The following AARS1 variants were observed in gnomAD, a reference collection of about 807,000 sequenced individuals.
The protein encoded by AARS1 is alanine--tRNA ligase, cytoplasmic.
In AARS1, 72 loss-of-function variants were observed where a neutral mutation model predicts 108.9. The observed-to-expected ratio is 0.66, with a 90% CI of 0.55 to 0.80. The LOEUF (loss-of-function observed/expected upper bound fraction) is 0.80. Among genes scored for constraint, AARS1 ranks in the 30% least tolerant of loss-of-function variants. AARS1 has a pLI of 0.00. For missense variants in AARS1, 1,193 were observed against 1,233.2 expected (o/e 0.97, Z 0.49); for synonymous variants, 489 against 465.7 (o/e 1.05, Z -0.64).
intron 19 of AARS1, 84 bp downstream of exon 19, chr16:70,253,630 C>A: frequency 6.7e-7 from 1 of 1,495,380 alleles, no homozygotes; most frequent in East Asian, 2.3e-5. Context: ...TAGGCAACCA[C>A]TTCGCTCAGA....
chr16:70,270,801 C>T (rs1255234865), intron 5 of AARS1, among the ~76,000 whole-genome samples: 1 of 139,110 alleles, frequency 7.2e-6, no homozygotes, highest in Admixed American at 7.7e-5. Flanking sequence ...TTCACCATTG[C>T]ACTACAGCCT....
chr16:70,271,701 G>T, intron 5 of AARS1, 80 bp downstream of exon 5: 16 of 1,404,252 alleles, frequency 1.1e-5, no homozygotes, highest in Non-Finnish European at 1.6e-5. Context: ...GCTTTTAGCT[G>T]AGAAGAGAGC....
intron 13 of AARS1, among the ~76,000 whole-genome samples, chr16:70,259,609 A>G (rs1960085604): frequency 6.6e-6 from 1 of 152,018 alleles, no homozygotes; most frequent in African/African-American, 2.4e-5. Context: ...CAGCCTCCCA[A>G]GTAGCTGGGA....
At chr16:70,253,406 C>G in intron 19 of AARS1, 25 bp from the exon 20 acceptor site, 2 of 1,573,936 alleles carry the variant, frequency 1.3e-6, no homozygotes, top group African/African-American at 1.4e-5. Context: ...TGGCTCAGGC[C>G]ACGGTGCTGG....
In AARS1 at chr16:70,271,773, A is replaced by G. The variant is rs1450959373; in HGVS notation, c.671+8T>C. On this transcript the variant is annotated splice_region_variant and intron_variant, in intron 5 of 20. Coordinates refer to ENST00000261772, the MANE Select transcript of AARS1 (RefSeq NM_001605.3). ...AAGGAAAGGAATGGAGTAGGAACCC[A>G]AGGCTACCTGTTATACTGGATGAAC... 6.2e-7 allele frequency: 1 copy of G among 1,613,966 alleles called. No homozygotes were observed. Among genetic ancestry groups the G allele is most frequent in the Non-Finnish European group, 8.5e-7 (1 of 1,179,932 alleles).
chr16:70,272,506 C>CA (rs34129241), intron 4 of AARS1, among the ~76,000 whole-genome samples: 534 of 17,034 alleles, frequency 0.031, 111 homozygotes, highest in Non-Finnish European at 0.049. Flanking sequence ...AACTCCATCT[C>CA]AAAAAAAAAA....
At chr16:70,272,252 C>A (rs2152163545) in intron 4 of AARS1, among the ~76,000 whole-genome samples, 1 of 152,180 alleles carries the variant, frequency 6.6e-6, no homozygotes, top group South Asian at 2.1e-4. Flanking sequence ...TGCCTGTAAT[C>A]CCAGCATTTT....
intron 1 of AARS1, among the ~76,000 whole-genome samples, chr16:70,289,116 C>T (rs1960957786): frequency 1.3e-5 from 2 of 152,168 alleles, no homozygotes; most frequent in African/African-American, 2.4e-5. Flanking sequence ...TTGCACCCAG[C>T]TGGCCCATCC....
At position 70,277,038 on chromosome 16, in the gene AARS1, A is replaced by G; in HGVS notation, c.261T>C (p.Asp87=). Residue 87 remains aspartate, a synonymous_variant, in exon 3 of 21, where the codon GAT becomes GAC. Transcript: ENST00000261772. ...RAGGKHNDLD[D]VGKDVYHHTF... ...TGTGATGATAGACATCCTTGCCCAC[A>G]TCGTCCAGGTCATTATGTTTGCCCC... 3.1e-6 allele frequency: 5 copies of G among 1,614,132 alleles called. No homozygotes were observed. The highest frequency in any genetic ancestry group is 4.2e-6 in the Non-Finnish European group (5 of 1,180,022).
rs547924420 is a variant in AARS1 at position 70,267,601 on chromosome 16, T to C, written c.1222+58A>G. ...CACAGTCAGTCTGTCAGAAAGGGCT[T>C]GTCTTTCCCAGAAAGATCAAACGGC... On this transcript the variant is annotated intron_variant, in intron 9 of 20. Coordinates refer to ENST00000261772, the MANE Select transcript of AARS1 (RefSeq NM_001605.3). 8.7e-6 allele frequency: 14 copies of C among 1,606,118 alleles called. No individual in the cohort carries two copies. The African/African-American group carries it at 9.3e-5, about 11-fold the overall frequency.
At chr16:70,270,699 T>C (rs1199174056) in intron 5 of AARS1, among the ~76,000 whole-genome samples, 2 of 150,914 alleles carry the variant, frequency 1.3e-5, no homozygotes, top group African/African-American at 4.9e-5. Context: ...TAGCCGAGCA[T>C]GGTGGCACAT....
At chr16:70,263,900 G>A (rs377624230) in intron 11 of AARS1, among the ~76,000 whole-genome samples, 1 of 152,108 alleles carries the variant, frequency 6.6e-6, no homozygotes. Flanking sequence ...GCATCCCGAA[G>A]TGCTGGGATT....
At chr16:70,282,227 G>A (rs1960714111) in intron 2 of AARS1, among the ~76,000 whole-genome samples, 1 of 151,494 alleles carries the variant, frequency 6.6e-6, no homozygotes, top group Non-Finnish European at 1.5e-5. Flanking sequence ...TACTCGGGAG[G>A]CTGGGGCAGG....
intron 5 of AARS1, among the ~76,000 whole-genome samples, 160 bp from the exon 6 acceptor site, chr16:70,270,500 G>C (rs992670581): frequency 6.6e-6 from 1 of 152,200 alleles, no homozygotes; most frequent in South Asian, 2.1e-4. Context: ...AGAAAGGAAG[G>C]AGAAAGGAAG....
chr16:70,268,196 A>G, intron 8 of AARS1, 75 bp downstream of exon 8: 1 of 1,359,658 alleles, frequency 7.4e-7, no homozygotes, highest in East Asian at 2.3e-5. Context: ...GCTGCTTAAC[A>G]GTATGCCCTC....
At chr16:70,267,836 G>A (rs765272948) in intron 8 of AARS1, 27 bp from the exon 9 acceptor site, 1 of 1,614,078 alleles carries the variant, frequency 6.2e-7, no homozygotes, top group African/African-American at 1.3e-5. Flanking sequence ...AAGATGAGGG[G>A]CTGGATGAAG....
chr16:70,253,196 G>C, intron 20 of AARS1, 72 bp downstream of exon 20: 1 of 1,288,344 alleles, frequency 7.8e-7, no homozygotes. Context: ...TCGAATGCAG[G>C]CTGTACACAC....
Position 70,258,141 on chromosome 16 carries a change from T to C in AARS1, c.2069A>G (p.Tyr690Cys), listed in dbSNP as rs563959372. 8 of 1,612,664 alleles carry C rather than the reference T, an allele frequency of 5.0e-6. No homozygotes were observed. Among genetic ancestry groups the C allele is most frequent in the South Asian group, 3.3e-5 (3 of 90,722 alleles). Residue 690 changes from tyrosine (Y) to cysteine (C), a missense_variant, in exon 15 of 21, where the codon TAT (tyrosine) becomes TGT (cysteine). By Grantham distance (194) the Tyr-to-Cys change is radical. Transcript: ENST00000261772. The part of the protein sequence containing the change: ...QGLRAVFDET[Y>C]PDPVRVVSIG... Reference sequence around the variant, plus strand: ...GGAGACGACTCGCACAGGGTCAGGATAGGTCTCATCAAACACAGCCCGTAG... The same window carrying C: ...GGAGACGACTCGCACAGGGTCAGGACAGGTCTCATCAAACACAGCCCGTAG...
intron 5 of AARS1, 71 bp from the exon 6 acceptor site, chr16:70,270,411 A>G (rs1597442336): frequency 6.3e-7 from 1 of 1,588,716 alleles, no homozygotes; most frequent in Middle Eastern, 1.7e-4. Context: ...CCTGCTGGTT[A>G]AAATTCATTT....
Sources: allele counts gnomAD v4.1 joint callset (sites outside exome capture counted in the v4.1 genomes callset), GRCh38; gene constraint gnomAD v4.1.1; transcripts MANE v1.5; gene names NCBI Gene and HGNC (gene_info 2026-07-23, HGNC 2026-07-21).